MYCBP2: variants seen among roughly 807,000 people sequenced by gnomAD.
MYCBP2 encodes the protein MYC binding protein 2, also known as E3 ubiquitin-protein ligase MYCBP2.
MYCBP2 carries 120 observed loss-of-function variants against 525.3 expected under a neutral mutation model. The observed-to-expected ratio is 0.23, with a 90% CI of 0.20 to 0.27. MYCBP2 has a LOEUF of 0.27. MYCBP2 is among the 10% of genes least tolerant of loss of function. MYCBP2 has a pLI of 1.00. For synonymous variants in MYCBP2, 1,894 were observed against 1,955.8 expected (o/e 0.97, Z 0.83); for missense variants, 4,149 against 5,657.1 (o/e 0.73, Z 8.55).
chr13:77,197,886 G>A (rs2061927121), intron 26 of MYCBP2, among the ~76,000 whole-genome samples: 1 of 152,160 alleles, frequency 6.6e-6, no homozygotes, highest in Non-Finnish European at 1.5e-5. Flanking sequence ...AATAGGAGGA[G>A]TGAGGTAAAA....
intron 69 of MYCBP2, among the ~76,000 whole-genome samples, chr13:77,069,854 C>T (rs1018269874): frequency 2.7e-5 from 4 of 150,728 alleles, no homozygotes; most frequent in Non-Finnish European, 4.4e-5. Flanking sequence ...GGCAACAGAG[C>T]GAGACTCCCT....
intron 21 of MYCBP2, among the ~76,000 whole-genome samples, chr13:77,213,396 A>T (rs1434024161): frequency 6.6e-6 from 1 of 152,112 alleles, no homozygotes. Context: ...AATTGCTTGA[A>T]TCTGGGAGCC....
chr13:77,225,309 T>C (rs1304121666), intron 19 of MYCBP2, 126 bp downstream of exon 19: 1 of 1,245,220 alleles, frequency 8.0e-7, no homozygotes, highest in Non-Finnish European at 1.1e-6. Context: ...GTCTTACAGA[T>C]TTGAGAGACT....
At chr13:77,295,075 A>G (rs1421612262) in intron 2 of MYCBP2, among the ~76,000 whole-genome samples, 1 of 152,236 alleles carries the variant, frequency 6.6e-6, no homozygotes, top group Non-Finnish European at 1.5e-5. Flanking sequence ...GTCACAGGTA[A>G]TAAGTCCACA....
chr13:77,144,523 C>T lies in MYCBP2; in HGVS notation c.7225G>A (p.Gly2409Arg). ...ENMLIRVNNDGTYCANWTPGA... is the reference protein window; with the variant it reads ...ENMLIRVNNDRTYCANWTPGA... ...GGAGTCCAATTTGCACAATAAGTCCCATCATTATTGACACGGATCAGCATA... is the reference window on the plus strand; with the variant it reads ...GGAGTCCAATTTGCACAATAAGTCCTATCATTATTGACACGGATCAGCATA... The change falls in exon 49 of 83, where the codon GGG becomes AGG. Residue 2409 changes from glycine to arginine, a missense_variant. By Grantham distance (125) the Gly-to-Arg change is moderately radical. Transcript: ENST00000544440. The T allele has an allele frequency of 6.2e-7, 1 of 1,613,360 alleles. No individual in the cohort carries two copies. Among genetic ancestry groups the T allele is most frequent in the Non-Finnish European group, 8.5e-7 (1 of 1,179,426 alleles).
intron 15 of MYCBP2, among the ~76,000 whole-genome samples, chr13:77,247,737 T>C (rs748022619): frequency 1.2e-4 from 19 of 152,196 alleles, no homozygotes; most frequent in Admixed American, 1.1e-3. Context: ...TGGGATAGAA[T>C]AGACAGCTGA....
At chr13:77,056,107 T>G (rs1467669584) in intron 79 of MYCBP2, among the ~76,000 whole-genome samples, 71 of 110,006 alleles carry the variant, frequency 6.5e-4, no homozygotes, top group African/African-American at 2.3e-3. Context: ...TTGGTGTGTG[T>G]GTGTGTGTGT....
chr13:77,239,907 T>C (rs1429132392), intron 17 of MYCBP2, among the ~76,000 whole-genome samples: 1 of 152,226 alleles, frequency 6.6e-6, no homozygotes, highest in Non-Finnish European at 1.5e-5. Context: ...GCTTCAGTTG[T>C]AAAACATAAC....
At chr13:77,157,669 G>T (rs555537937) in intron 45 of MYCBP2, among the ~76,000 whole-genome samples, 2 of 152,050 alleles carry the variant, frequency 1.3e-5, no homozygotes, top group African/African-American at 4.8e-5. Flanking sequence ...AGAATCGCTT[G>T]AGTCCAGGAA....
At chr13:77,052,126 T>C (rs181149982) in intron 80 of MYCBP2, among the ~76,000 whole-genome samples, 18 of 152,254 alleles carry the variant, frequency 1.2e-4, no homozygotes, top group African/African-American at 4.3e-4. Flanking sequence ...CTATTTCTTC[T>C]TTTTCTTTCT....
At chr13:77,186,792 T>G (rs1156261031) in intron 30 of MYCBP2, among the ~76,000 whole-genome samples, 1 of 146,414 alleles carries the variant, frequency 6.8e-6, no homozygotes, top group African/African-American at 2.5e-5. Flanking sequence ...AAAACGAGTT[T>G]ATAGATTCAA....
chr13:77,051,722 C>G (rs982675450), intron 81 of MYCBP2, 89 bp downstream of exon 81: 1 of 932,708 alleles, frequency 1.1e-6, no homozygotes, highest in African/African-American at 1.7e-5. Context: ...GGAGAAAAGC[C>G]TGATTTACAT....
At chr13:77,175,002 C>T (rs2059557341) in intron 36 of MYCBP2, among the ~76,000 whole-genome samples, 1 of 119,438 alleles carries the variant, frequency 8.4e-6, no homozygotes. Flanking sequence ...GTCACCCAGC[C>T]TGGAGTGCAG....
chr13:77,211,087 C>T (rs2063945565), intron 23 of MYCBP2, 80 bp downstream of exon 23: 1 of 1,155,552 alleles, frequency 8.7e-7, no homozygotes, highest in Admixed American at 3.2e-5. Context: ...GAAAAGTCCA[C>T]CTGTAAATAA....
rs776588937 is a variant in MYCBP2 at position 77,212,041 on chromosome 13, G to T, written c.3177C>A (p.Asp1059Glu). Residue 1059 changes from aspartate to glutamate, a missense_variant, in exon 22 of 83, where the codon GAC becomes GAA. Physicochemically the swap from Asp to Glu is conservative, Grantham distance 45. This residue lies in a region of MYCBP2 where 620 missense variants were observed against 795.5 expected (regional missense o/e 0.78). Coordinates refer to ENST00000544440, the MANE Select transcript of MYCBP2 (RefSeq NM_015057.5). ...CTTCATCAATTCGTAAAAAAGTTTG[G>T]TCCCCACTTGCACCTATCCAAGTAG... ...RKATWIGASG[D>E]QTFLRIDEAL... 3 of 1,613,886 alleles carry T rather than the reference G, an allele frequency of 1.9e-6. No homozygotes were observed. The Admixed American group carries it at 5.0e-5, about 27-fold the overall frequency.
intron 32 of MYCBP2, among the ~76,000 whole-genome samples, 154 bp from the exon 33 acceptor site, chr13:77,182,076 C>T (rs1341955933): frequency 6.6e-6 from 1 of 152,082 alleles, no homozygotes; most frequent in East Asian, 1.9e-4. Context: ...AATAATACTA[C>T]ATCTATATAT....
Position 77,326,754 on chromosome 13 carries a change from C to T in MYCBP2, c.22G>A (p.Ala8Thr), listed in dbSNP as rs1316325068. The change falls in exon 1 of 83, where the codon GCC becomes ACC. Residue 8 changes from alanine (A) to threonine (T), a missense_variant. Physicochemically the swap from Ala to Thr is moderately conservative, Grantham distance 58. Around this residue, in one of 21 missense-constraint regions of MYCBP2, gnomAD observed 413 missense variants for 451.2 expected, o/e 0.92. Coordinates refer to ENST00000544440, the MANE Select transcript of MYCBP2 (RefSeq NM_015057.5). The surrounding 1 kb of genome is among the most constrained non-coding windows in gnomAD (Gnocchi z 4.2). MMMCAAT[A>T]SPAAASSGLG... ...CCCGAGGAGGCGGCGGCGGGGGAGG[C>T]AGTCGCTGCGCACATCATCATCCTC... The T allele has an allele frequency of 1.3e-5, 19 of 1,414,694 alleles. No individual in the cohort carries two copies. Among genetic ancestry groups the T allele is most frequent in the African/African-American group, 1.1e-4 (7 of 65,408 alleles). The allele number at this position is 1,414,694 out of a possible 1,614,324, so 87.6% of individuals were successfully genotyped here. A position where few individuals can be genotyped will look rare whatever the true frequency, so the allele number is the denominator to read the frequency against.
chr13:77,065,121 C>A (rs916500964), intron 72 of MYCBP2, among the ~76,000 whole-genome samples: 2 of 152,104 alleles, frequency 1.3e-5, no homozygotes, highest in African/African-American at 4.8e-5. Flanking sequence ...ATTACAGGAA[C>A]CTAAAATATA....
intron 47 of MYCBP2, among the ~76,000 whole-genome samples, chr13:77,149,879 A>G (rs1249714615): frequency 6.6e-6 from 1 of 152,160 alleles, no homozygotes; most frequent in Non-Finnish European, 1.5e-5. Flanking sequence ...AATTAAGTCA[A>G]TAGTCCCCTA....
Sources: allele counts gnomAD v4.1 joint callset (sites outside exome capture counted in the v4.1 genomes callset), GRCh38; gene constraint gnomAD v4.1.1; regional missense constraint gnomAD v4.1.1; non-coding constraint Gnocchi (gnomAD v3.1); transcripts MANE v1.5; gene names NCBI Gene and HGNC (gene_info 2026-07-23, HGNC 2026-07-21).